The following DPY30 variants were observed in gnomAD, a reference collection of about 807,000 sequenced individuals.
DPY30 encodes the protein dpy-30 histone methyltransferase complex regulatory subunit, also known as protein dpy-30 homolog.
In DPY30, 6 loss-of-function variants were observed where a neutral mutation model predicts 16.2. The observed-to-expected ratio is 0.37, with a 90% confidence interval of 0.20 to 0.73. The LOEUF is 0.73. Among genes scored for constraint, DPY30 ranks in the 30% least tolerant of loss-of-function variants. The probability of loss-of-function intolerance (pLI) is 0.51; values close to 1 mark genes in which losing one functional copy is unlikely to be tolerated. For missense variants in DPY30, 73 were observed against 113.1 expected, an observed-to-expected ratio of 0.65 and a Z score of 1.61; for synonymous variants, 39 against 38.8, an observed-to-expected ratio of 1.00 and a Z score of -0.02.
At chr2:32,011,689 T>C (rs764737711), downstream of DPY30, among the ~76,000 whole-genome samples, 1 of 152,204 alleles carries the variant, frequency 6.6e-6, no homozygotes, top group Non-Finnish European at 1.5e-5. Context: ...AAGTACACCA[T>C]TGCAAAAGTA....
intron 5 of DPY30, among the ~76,000 whole-genome samples, chr2:32,014,577 G>A (rs990312210): frequency 1.3e-5 from 2 of 151,440 alleles, no homozygotes; most frequent in Non-Finnish European, 2.9e-5. Context: ...TCCGCCTCCC[G>A]GGTTCATGCC....
intron 5 of DPY30, among the ~76,000 whole-genome samples, chr2:32,015,449 T>C (rs889030100): frequency 2.6e-5 from 4 of 152,196 alleles, no homozygotes; most frequent in Middle Eastern, 3.2e-3. Flanking sequence ...TCCTGTAAGA[T>C]AAAAATTTAT....
chr2:32,029,562 A>C, intron 4 of DPY30, 32 bp downstream of exon 4: 2 of 1,605,886 alleles, frequency 1.2e-6, no homozygotes. Context: ...TGCTTTCTTT[A>C]CTAACTCCAT....
At chr2:32,022,515 T>TC (rs897298964), downstream of DPY30, among the ~76,000 whole-genome samples, 37 of 151,838 alleles carry the variant, frequency 2.4e-4, no homozygotes, top group Non-Finnish European at 4.4e-5. Context: ...TATGTATTTT[T>TC]TTTTTTAATT....
chr2:32,035,798 G>A (rs1488816106), intron 3 of DPY30, among the ~76,000 whole-genome samples: 1 of 151,564 alleles, frequency 6.6e-6, no homozygotes, highest in Non-Finnish European at 1.5e-5. Context: ...GCTGGGCATG[G>A]TAGCGGGTGC....
rs1429681315 is a variant in DPY30 at position 32,024,392 on chromosome 2, AAAAT to A, written c.228-140_228-137del. 6.6e-5 allele frequency: 45 copies of A among 683,294 alleles called. No individual in the cohort carries two copies. The East Asian group carries it at 1.2e-3, about 17-fold the overall frequency. The allele number at this position is 683,294 out of a possible 1,614,324, so 42.3% of individuals were successfully genotyped here. On this transcript the variant is annotated intron_variant, in intron 4 of 4. Transcript: ENST00000342166. The stretch of plus-strand genomic sequence containing the variant: ...CAGTCAAAGGACATTTGTAGTAAAT[AAAAT>A]AAATGAGATAAGCAAGCAAATTAAT...
intron 5 of DPY30, among the ~76,000 whole-genome samples, chr2:32,014,553 G>A (rs971398712): frequency 4.6e-5 from 7 of 151,170 alleles, no homozygotes; most frequent in South Asian, 2.1e-4. Flanking sequence ...GTGCGGTCTC[G>A]GCTCACTGCA....
chr2:32,026,457 G>A (rs1675335329), intron 4 of DPY30, among the ~76,000 whole-genome samples: 1 of 152,010 alleles, frequency 6.6e-6, no homozygotes, highest in Non-Finnish European at 1.5e-5. Context: ...TTACGAGCTT[G>A]AACTTAAAAA....
At chr2:32,029,229 C>G (rs1433893396) in intron 4 of DPY30, among the ~76,000 whole-genome samples, 2 of 152,132 alleles carry the variant, frequency 1.3e-5, no homozygotes, top group African/African-American at 4.8e-5. Flanking sequence ...CGAGATCATA[C>G]CACCGTCCTC....
chr2:32,031,641 T>C (rs1270289407), intron 3 of DPY30, among the ~76,000 whole-genome samples: 1 of 150,118 alleles, frequency 6.7e-6, no homozygotes. Flanking sequence ...ACACCTGTAA[T>C]CCCAGCACTT....
intron 3 of DPY30, among the ~76,000 whole-genome samples, chr2:32,037,956 A>G (rs1204644660): frequency 1.9e-4 from 29 of 151,982 alleles, no homozygotes; most frequent in Admixed American, 1.8e-3. Flanking sequence ...TGTTAATATT[A>G]ATATTAATAT....
At chr2:32,039,165 G>A (rs889027467) in intron 3 of DPY30, 114 bp downstream of exon 3, 14 of 1,281,028 alleles carry the variant, frequency 1.1e-5, no homozygotes, top group African/African-American at 4.4e-5. Context: ...ATACTATTCA[G>A]TTCACGATAA....
At chr2:32,021,607 A>G (rs1195950585), downstream of DPY30, among the ~76,000 whole-genome samples, 1 of 149,934 alleles carries the variant, frequency 6.7e-6, no homozygotes, top group Non-Finnish European at 1.5e-5. Context: ...TGAACCCAGG[A>G]GGCGGAGGTT....
chr2:32,039,123 T>C (rs919063938), intron 3 of DPY30, among the ~76,000 whole-genome samples, 156 bp downstream of exon 3: 2 of 152,160 alleles, frequency 1.3e-5, no homozygotes, highest in African/African-American at 4.8e-5. Flanking sequence ...GAAGCATTAG[T>C]ACTGCTAATA....
chr2:32,019,903 TATAAAC>T (rs1281047173), downstream of DPY30, among the ~76,000 whole-genome samples: 27 of 147,502 alleles, frequency 1.8e-4, no homozygotes, highest in Admixed American at 1.8e-3. Context: ...TGTGTATATA[TATAAAC>T]ATAAACATAT....
At chr2:32,015,570 A>G (rs1201332296) in intron 5 of DPY30, among the ~76,000 whole-genome samples, 1 of 152,176 alleles carries the variant, frequency 6.6e-6, no homozygotes, top group African/African-American at 2.4e-5. Context: ...ATAAGGAGCC[A>G]GGCACAGTGG....
intron 4 of DPY30, among the ~76,000 whole-genome samples, chr2:32,027,178 A>G (rs1045861580): frequency 5.3e-5 from 8 of 151,058 alleles, no homozygotes; most frequent in Non-Finnish European, 1.5e-5. Flanking sequence ...CGGGAGGCTG[A>G]AGCAGGAAAA....
At chr2:32,034,836 T>C (rs1675675431) in intron 3 of DPY30, among the ~76,000 whole-genome samples, 1 of 151,774 alleles carries the variant, frequency 6.6e-6, no homozygotes, top group Non-Finnish European at 1.5e-5. Flanking sequence ...CCGTCTCTAC[T>C]AAAAATACAA....
chr2:32,019,491 ACAC>A (rs1369418456), downstream of DPY30, among the ~76,000 whole-genome samples: 1 of 152,004 alleles, frequency 6.6e-6, no homozygotes, highest in Non-Finnish European at 1.5e-5. Flanking sequence ...AGCCTGGAAA[ACAC>A]AGCCAGACGC....
Sources: gnomAD v4.1 joint callset for allele counts (sites outside exome capture counted in the v4.1 genomes callset) on GRCh38, gnomAD v4.1.1 for gene constraint, MANE v1.5 for transcripts, NCBI Gene and HGNC (gene_info 2026-07-23, HGNC 2026-07-21) for gene names.